Variants in RORA observed in about 807,000 individuals in gnomAD.
RORA encodes the protein RAR related orphan receptor A, also known as nuclear receptor ROR-alpha.
Under a neutral mutation model 69.5 loss-of-function variants are expected in RORA, and 7 were observed. That is an observed-to-expected ratio of 0.10 (90% CI 0.06 to 0.19). The LOEUF (loss-of-function observed/expected upper bound fraction) is 0.19, where lower values mean the gene tolerates loss of function less well. Ranked by LOEUF, RORA falls within the 10% of genes least tolerant of loss-of-function variation. The pLI is 1.00. For synonymous variants in RORA, 261 were observed against 240.8 expected (o/e 1.08, Z -0.78); for missense variants, 457 against 663.0 (o/e 0.69, Z 3.41).
intron 2 of RORA, among the ~76,000 whole-genome samples, chr15:60,674,623 C>G (rs1047650072): frequency 7.9e-5 from 12 of 152,292 alleles, no homozygotes; most frequent in African/African-American, 2.9e-4. Flanking sequence ...TAACACAGTG[C>G]TTTAATTTTA....
intron 2 of RORA, among the ~76,000 whole-genome samples, chr15:60,612,001 C>T (rs544620480): frequency 7.2e-5 from 11 of 152,252 alleles, no homozygotes; most frequent in African/African-American, 2.6e-4. Context: ...AATGGGTGGC[C>T]TCAAGTTAGA....
chr15:60,829,308 C>T (rs949464870), intron 1 of RORA, among the ~76,000 whole-genome samples: 4 of 152,206 alleles, frequency 2.6e-5, no homozygotes, highest in Non-Finnish European at 4.4e-5. Flanking sequence ...TTCAACTCTA[C>T]ATCTCACCGG....
intron 1 of RORA, among the ~76,000 whole-genome samples, chr15:60,940,008 T>C (rs1892644048): frequency 6.6e-6 from 1 of 152,228 alleles, no homozygotes; most frequent in Non-Finnish European, 1.5e-5. Flanking sequence ...TAGGCCATCA[T>C]GTCAGCTTTG....
intron 1 of RORA, among the ~76,000 whole-genome samples, chr15:61,126,223 C>T (rs1197834682): frequency 2.0e-5 from 3 of 152,106 alleles, no homozygotes; most frequent in African/African-American, 7.2e-5. Flanking sequence ...TTTATTACAG[C>T]CTAACTGACA....
chr15:61,162,179 G>GT (rs1162778606), intron 1 of RORA, among the ~76,000 whole-genome samples: 1 of 152,152 alleles, frequency 6.6e-6, no homozygotes, highest in Middle Eastern at 3.2e-3. Flanking sequence ...GTTATGATCT[G>GT]TAACGAATGT....
intron 1 of RORA, among the ~76,000 whole-genome samples, chr15:60,823,891 T>C (rs958339755): frequency 2.8e-4 from 43 of 152,366 alleles, no homozygotes; most frequent in African/African-American, 1.0e-3. Flanking sequence ...TCCCTAAATA[T>C]TTATTAAATA....
At chr15:61,037,170 C>G (rs538074261) in intron 1 of RORA, among the ~76,000 whole-genome samples, 1 of 152,190 alleles carries the variant, frequency 6.6e-6, no homozygotes, top group African/African-American at 2.4e-5. Context: ...ATAATGGGAG[C>G]AATGTGTAAG....
chr15:60,901,742 C>A (rs1891399403), intron 1 of RORA, among the ~76,000 whole-genome samples: 1 of 152,174 alleles, frequency 6.6e-6, no homozygotes, highest in South Asian at 2.1e-4. Context: ...AGGTTGGATG[C>A]CCTCACCCTT....
intron 1 of RORA, among the ~76,000 whole-genome samples, chr15:61,182,150 A>T (rs1350217546): frequency 1.3e-5 from 2 of 152,182 alleles, no homozygotes; most frequent in Non-Finnish European, 2.9e-5. Flanking sequence ...AGTTTTAGCC[A>T]AGAAGGAAAT....
rs970364482 is a variant in RORA at position 60,842,039 on chromosome 15, A to G, written c.167-163353T>C. ...GCCATCACGGATGCCTTCTCAAAAC[A>G]TATCTTTGACCCCTTCTTCCTTCTC... On this transcript the variant is annotated intron_variant, in intron 1 of 10. Transcript: ENST00000335670. 3.3e-5 allele frequency among the ~76,000 whole-genome samples: 5 copies of G among 151,600 alleles called. No homozygotes were observed. The South Asian group carries it at 1.1e-3, about 32-fold the overall frequency.
At chr15:60,917,559 C>T (rs976698416) in intron 1 of RORA, among the ~76,000 whole-genome samples, 5 of 152,130 alleles carry the variant, frequency 3.3e-5, no homozygotes, top group African/African-American at 1.2e-4. Context: ...TCCTAACTGA[C>T]GAGGCATCCA....
At position 61,087,317 on chromosome 15, in the gene RORA, A is replaced by G. The variant is rs560213664; in HGVS notation, c.166+141736T>C. 7.9e-5 allele frequency among the ~76,000 whole-genome samples: 12 copies of G among 152,360 alleles called. 2 individuals are homozygous for G. The highest frequency in any genetic ancestry group is 6.2e-4 in the South Asian group (3 of 4,828). ...ATGTATAACATGTATACTCCAACCA[A>G]TTACCAGATAAATTAATTACAAACC... On this transcript the variant is annotated intron_variant, in intron 1 of 10. Coordinates refer to ENST00000335670, the MANE Select transcript of RORA (RefSeq NM_134261.3).
At position 60,655,768 on chromosome 15, in the gene RORA, T is replaced by G. The variant is rs546162717; in HGVS notation, c.196+22889A>C. ...CCTTTCAACCTCAGACACAGACACA[T>G]GTATTTGTCAACAGGCCACACATAT... On this transcript the variant is annotated intron_variant, in intron 2 of 10. Coordinates refer to ENST00000335670, the MANE Select transcript of RORA (RefSeq NM_134261.3). 1.6e-4 allele frequency among the ~76,000 whole-genome samples: 25 copies of G among 152,278 alleles called. No individual in the cohort carries two copies. In the South Asian group the frequency reaches 4.4e-3, roughly 27 times the overall value.
At chr15:61,031,708 T>A (rs1896178522) in intron 1 of RORA, among the ~76,000 whole-genome samples, 1 of 152,132 alleles carries the variant, frequency 6.6e-6, no homozygotes, top group Middle Eastern at 3.2e-3. Context: ...TCCCTATAAA[T>A]GTGTATCCAT....
At chr15:60,825,347 A>G (rs1199137554) in intron 1 of RORA, among the ~76,000 whole-genome samples, 3 of 152,218 alleles carry the variant, frequency 2.0e-5, no homozygotes, top group Non-Finnish European at 4.4e-5. Context: ...TGATAGGCAG[A>G]GCAGTAGAAA....
rs1299473881 is a variant in RORA, at chr15:60,491,824, A to T, written c.*5631T>A. The T allele has an allele frequency of 6.6e-6, 1 of 152,044 alleles. No homozygotes were observed. Among genetic ancestry groups the T allele is most frequent in the Non-Finnish European group, 1.5e-5 (1 of 67,994 alleles). The allele number at this position is 152,044 out of a possible 1,614,324, so 9.4% of individuals were successfully genotyped here. Reference sequence around the variant, plus strand: ...GCAATAGGAAGGTCTCTATAATACAATCTGATGGAACCTCTTTACTAACAT... The same window carrying T: ...GCAATAGGAAGGTCTCTATAATACATTCTGATGGAACCTCTTTACTAACAT... On this transcript the variant is annotated 3_prime_UTR_variant, in exon 11 of 11. Coordinates refer to ENST00000335670, the MANE Select transcript of RORA (RefSeq NM_134261.3).
At chr15:61,064,878 T>C (rs1301128358) in intron 1 of RORA, among the ~76,000 whole-genome samples, 1 of 152,198 alleles carries the variant, frequency 6.6e-6, no homozygotes, top group East Asian at 1.9e-4. Flanking sequence ...CTCCACCCTG[T>C]CCCTTCACAC....
At chr15:60,969,497 A>C (rs915952893) in intron 1 of RORA, among the ~76,000 whole-genome samples, 28 of 152,220 alleles carry the variant, frequency 1.8e-4, no homozygotes, top group African/African-American at 6.8e-4. Flanking sequence ...CTATATTCAA[A>C]GGATATTCAC....
chr15:60,564,349 T>C (rs915935086), intron 2 of RORA, among the ~76,000 whole-genome samples: 1 of 152,228 alleles, frequency 6.6e-6, no homozygotes, highest in Admixed American at 6.5e-5. Flanking sequence ...ATAAATGGCA[T>C]CTTATAATGC....
Sources: allele counts gnomAD v4.1 joint callset (sites outside exome capture counted in the v4.1 genomes callset), GRCh38; gene constraint gnomAD v4.1.1; transcripts MANE v1.5; gene names NCBI Gene and HGNC (gene_info 2026-07-23, HGNC 2026-07-21).